TSPAN5: variants seen among roughly 807,000 people sequenced by gnomAD.
The protein encoded by TSPAN5 is tetraspanin 5, also known as tetraspanin-5.
TSPAN5 carries 10 observed loss-of-function variants against 37.1 expected under a neutral mutation model. That is an observed-to-expected ratio of 0.27 (90% CI 0.17 to 0.46). The LOEUF is 0.46. Among genes scored for constraint, TSPAN5 ranks in the 20% least tolerant of loss-of-function variants. The pLI is 1.00. For missense variants in TSPAN5, 195 were observed against 326.6 expected, an observed-to-expected ratio of 0.60 and a Z score of 3.11; for synonymous variants, 110 against 118.9, an observed-to-expected ratio of 0.93 and a Z score of 0.48.
intron 2 of TSPAN5, among the ~76,000 whole-genome samples, chr4:98,495,591 T>TA (rs1753189098): frequency 6.6e-6 from 1 of 151,902 alleles, no homozygotes. Context: ...ATTAGTGCCT[T>TA]ATTCATTCAG....
At chr4:98,540,815 T>C (rs1754341852) in intron 1 of TSPAN5, among the ~76,000 whole-genome samples, 1 of 152,222 alleles carries the variant, frequency 6.6e-6, no homozygotes, top group Non-Finnish European at 1.5e-5. Context: ...TGTCTTCTTA[T>C]AACCTCTCAA....
intron 4 of TSPAN5, 108 bp from the exon 5 acceptor site, chr4:98,478,918 C>A: frequency 7.5e-7 from 1 of 1,327,814 alleles, no homozygotes; most frequent in South Asian, 1.4e-5. Flanking sequence ...ACCTTCTTTT[C>A]TGTCCTAGAC....
In TSPAN5 at chr4:98,561,754, C is replaced by A. The variant is rs149207249; in HGVS notation, c.82-54026G>T. ...TAAACATTTAGAAGCATCTGTTATG[C>A]GCTGAGCACTACTATAGGTGCTGGA... is the stretch of plus-strand genomic sequence containing the variant. On this transcript the variant is annotated intron_variant, in intron 1 of 7. Coordinates refer to ENST00000305798, the MANE Select transcript of TSPAN5 (RefSeq NM_005723.4). Among the ~76,000 whole-genome samples, 9 of 152,302 alleles carry A rather than the reference C, an allele frequency of 5.9e-5. No individual in the cohort carries two copies. In the East Asian group the frequency reaches 1.5e-3, roughly 26 times the overall value.
chr4:98,601,918 T>A (rs931162053), intron 1 of TSPAN5, among the ~76,000 whole-genome samples: 20 of 152,182 alleles, frequency 1.3e-4, no homozygotes, highest in Admixed American at 6.5e-5. Context: ...CTAATTTCAA[T>A]ATTGTTGTGT....
At chr4:98,656,965 T>C (rs1757306109) in intron 1 of TSPAN5, among the ~76,000 whole-genome samples, 1 of 152,204 alleles carries the variant, frequency 6.6e-6, no homozygotes, top group African/African-American at 2.4e-5. Flanking sequence ...TGTGGATAAT[T>C]ATTGATCCTG....
intron 2 of TSPAN5, chr4:98,496,737 G>T (rs2110275193): frequency 6.6e-6 from 1 of 152,378 alleles, no homozygotes; most frequent in South Asian, 2.1e-4. Context: ...ACAGCCACAT[G>T]CAAAAGCGCA....
chr4:98,592,421 G>GTTTTTTTTTTTT lies in TSPAN5; in HGVS notation c.81+65724_81+65725insAAAAAAAAAAAA, dbSNP rs1204813183. On this transcript the variant is annotated intron_variant, in intron 1 of 7. Coordinates refer to ENST00000305798, the MANE Select transcript of TSPAN5 (RefSeq NM_005723.4). Reference sequence around the variant, plus strand: ...TGGTTTACCTAACTAAGGGATCTCTGTTTTTTGTTTTTTTTTTTTTTTTTT... The same window carrying GTTTTTTTTTTTT: ...TGGTTTACCTAACTAAGGGATCTCTGTTTTTTTTTTTTTTTTTTGTTTTTTTTTTTTTTTTTT... Among the ~76,000 whole-genome samples, 51 of 95,214 alleles carry GTTTTTTTTTTTT rather than the reference G, an allele frequency of 5.4e-4. 2 individuals carry two copies. The highest frequency in any genetic ancestry group is 1.7e-3 in the African/African-American group (38 of 22,732). 62.5% of individuals were successfully genotyped at this position (95,214 alleles called of 152,430 possible). A position where few individuals can be genotyped will look rare whatever the true frequency, so the allele number is the denominator to read the frequency against.
intron 2 of TSPAN5, among the ~76,000 whole-genome samples, chr4:98,501,604 G>A (rs1753351006): frequency 6.6e-6 from 1 of 152,202 alleles, no homozygotes; most frequent in Admixed American, 6.5e-5. Context: ...GCACTCATGT[G>A]GTTTTCTGGG....
At chr4:98,617,200 G>T (rs1445325809) in intron 1 of TSPAN5, among the ~76,000 whole-genome samples, 1 of 152,096 alleles carries the variant, frequency 6.6e-6, no homozygotes, top group Non-Finnish European at 1.5e-5. Flanking sequence ...TTCAAAAAAA[G>T]CAAATACCAA....
chr4:98,652,589 G>C (rs746324981), intron 1 of TSPAN5, among the ~76,000 whole-genome samples: 2 of 152,086 alleles, frequency 1.3e-5, no homozygotes, highest in Admixed American at 1.3e-4. Flanking sequence ...CTATCATTAC[G>C]GAAGAGACTT....
intron 3 of TSPAN5, chr4:98,482,982 G>C (rs189222082): frequency 1.3e-5 from 2 of 152,332 alleles, no homozygotes; most frequent in South Asian, 4.1e-4. Flanking sequence ...CGTAACTCTG[G>C]AGAAATTCCC....
intron 1 of TSPAN5, among the ~76,000 whole-genome samples, chr4:98,518,196 T>C (rs901614247): frequency 3.3e-5 from 5 of 151,794 alleles, no homozygotes; most frequent in African/African-American, 9.7e-5. Flanking sequence ...CCACACCCAG[T>C]CTATCCTGAC....
At chr4:98,473,134 T>C (rs974353120) in intron 7 of TSPAN5, among the ~76,000 whole-genome samples, 2 of 152,240 alleles carry the variant, frequency 1.3e-5, no homozygotes, top group African/African-American at 2.4e-5. Context: ...AATTCTGCTA[T>C]GAACATGAGC....
At chr4:98,571,447 CTGGCT>C (rs1755116747) in intron 1 of TSPAN5, among the ~76,000 whole-genome samples, 1 of 110,758 alleles carries the variant, frequency 9.0e-6, no homozygotes, top group Admixed American at 1.1e-4. Context: ...ACAAACCGTT[CTGGCT>C]TTTTTTTTTT....
chr4:98,639,650 A>G (rs1756923636), intron 1 of TSPAN5, among the ~76,000 whole-genome samples: 2 of 152,106 alleles, frequency 1.3e-5, no homozygotes, highest in Admixed American at 1.3e-4. Context: ...GTTTACTCCA[A>G]TATCACAGTG....
chr4:98,589,745 G>T (rs1178051825), intron 1 of TSPAN5, among the ~76,000 whole-genome samples: 1 of 152,146 alleles, frequency 6.6e-6, no homozygotes, highest in Non-Finnish European at 1.5e-5. Flanking sequence ...TCATTACCTT[G>T]TGTTAATGAA....
At chr4:98,616,974 C>A (rs1756356517) in intron 1 of TSPAN5, among the ~76,000 whole-genome samples, 1 of 151,632 alleles carries the variant, frequency 6.6e-6, no homozygotes, top group Admixed American at 6.6e-5. Context: ...CAAGTGTGCA[C>A]CACCATGCCT....
intron 1 of TSPAN5, among the ~76,000 whole-genome samples, chr4:98,609,753 A>G (rs974286691): frequency 1.3e-5 from 2 of 152,192 alleles, no homozygotes; most frequent in African/African-American, 2.4e-5. Flanking sequence ...TCAAGGCATT[A>G]TCTGTCCCTT....
At chr4:98,499,064 G>T (rs28635770) in intron 2 of TSPAN5, among the ~76,000 whole-genome samples, 17,991 of 152,198 alleles carry the variant, frequency 0.12, 1,255 homozygotes, top group Admixed American at 0.19. Flanking sequence ...GGTGGCCAGG[G>T]ATGAGCAGGG....
Sources: gnomAD v4.1 joint callset for allele counts (sites outside exome capture counted in the v4.1 genomes callset) on GRCh38, gnomAD v4.1.1 for gene constraint, MANE v1.5 for transcripts, NCBI Gene and HGNC (gene_info 2026-07-23, HGNC 2026-07-21) for gene names.